ATP5IF1: variants seen among roughly 807,000 people sequenced by gnomAD.
The protein encoded by ATP5IF1 is ATPase inhibitor, mitochondrial.
Under a neutral mutation model 8.5 loss-of-function variants are expected in ATP5IF1, and 12 were observed. That is an observed-to-expected ratio of 1.41 (90% confidence interval 0.90 to 2.28). The LOEUF is 2.28. ATP5IF1 is among the 30% of genes most tolerant of loss of function. The pLI, the probability that ATP5IF1 is intolerant of heterozygous loss-of-function variation, is 0.00. For missense variants in ATP5IF1, 154 were observed against 140.2 expected, an observed-to-expected ratio of 1.10 and a Z score of -0.50; for synonymous variants, 51 against 53.4, an observed-to-expected ratio of 0.96 and a Z score of 0.19.
chr1:28,237,522 T>G, intron 2 of ATP5IF1: 2 of 1,366,608 alleles, frequency 1.5e-6, no homozygotes, highest in South Asian at 1.8e-5. Context: ...TGTTCCTTTT[T>G]TTTTCCCTAA....
chr1:28,237,541 C>T, intron 2 of ATP5IF1: 1 of 1,371,724 alleles, frequency 7.3e-7, no homozygotes, highest in Non-Finnish European at 9.4e-7. Context: ...AAAGGGGAGT[C>T]AAGTTCCCTG....
At position 28,238,095 on chromosome 1, in the gene ATP5IF1, A is replaced by G; in HGVS notation, c.*117A>G. 9.0e-7 allele frequency: 1 copy of G among 1,107,150 alleles called. No individual in the cohort carries two copies. Among genetic ancestry groups the G allele is most frequent in the South Asian group, 1.6e-5 (1 of 62,734 alleles). 68.6% of individuals were successfully genotyped at this position (1,107,150 alleles called of 1,614,324 possible). ...TAACAGATTATAATAAATTGTCATC[A>G]GTGAACTGTGTTTGATGCCTTCTTC... On this transcript the variant is annotated 3_prime_UTR_variant, in exon 3 of 3. Transcript: ENST00000335514.
At chr1:28,237,429 A>G (rs542409845) in intron 2 of ATP5IF1, 1 of 1,132,200 alleles carries the variant, frequency 8.8e-7, no homozygotes, top group African/African-American at 1.6e-5. Context: ...TCATTTCTAT[A>G]GGCAAAGAAA....
chr1:28,236,881 G>A, intron 2 of ATP5IF1: 1 of 1,125,048 alleles, frequency 8.9e-7, no homozygotes, highest in Non-Finnish European at 1.1e-6. Context: ...CTCCTTCCTC[G>A]CCAGCACGCC....
intron 2 of ATP5IF1, 91 bp from the exon 3 acceptor site, chr1:28,237,746 C>G (rs1203183414): frequency 6.2e-7 from 1 of 1,613,872 alleles, no homozygotes; most frequent in African/African-American, 1.3e-5. Flanking sequence ...ATTGGAACTC[C>G]TATTCCTTGC....
At position 28,237,865 on chromosome 1, in the gene ATP5IF1, T is replaced by C. The variant is rs760751368; in HGVS notation, c.208T>C (p.Leu70=). 6.2e-7 allele frequency: 1 copy of C among 1,614,086 alleles called. No individual in the cohort carries two copies. The highest frequency in any genetic ancestry group is 1.1e-5 in the South Asian group (1 of 91,074). The stretch of plus-strand genomic sequence containing the variant: ...ACAGAGTAGAGAACAACTGGCAGCT[T>C]TGAAAAAACACCATGAAGAAGAAAT... ...RAQSREQLAA[L]KKHHEEEIVH... is the part of the protein sequence containing the mutation. The change falls in exon 3 of 3, where the codon TTG becomes CTG. Residue 70 remains leucine (L), a synonymous_variant. Coordinates refer to ENST00000335514, the MANE Select transcript of ATP5IF1 (RefSeq NM_016311.5).
At position 28,237,996 on chromosome 1, in the gene ATP5IF1, T is replaced by C. The variant is rs1448307823; in HGVS notation, c.*18T>C. 6.2e-6 allele frequency: 10 copies of C among 1,602,078 alleles called. No individual in the cohort carries two copies. The highest frequency in any genetic ancestry group is 1.7e-4 in the Middle Eastern group (1 of 6,052). ...ATGATTAAGTGCACACCGTGTGCCA[T>C]AGAATGGCACATGTCATTGCCCACT... On this transcript the variant is annotated 3_prime_UTR_variant, in exon 3 of 3. Coordinates refer to ENST00000335514, the MANE Select transcript of ATP5IF1 (RefSeq NM_016311.5).
Position 28,237,992 on chromosome 1 carries a change from G to C in ATP5IF1, c.*14G>C, listed in dbSNP as rs2149029104. 2 of 1,603,004 alleles carry C rather than the reference G, an allele frequency of 1.2e-6. No homozygotes were observed. Among genetic ancestry groups the C allele is most frequent in the Non-Finnish European group, 1.7e-6 (2 of 1,177,732 alleles). On this transcript the variant is annotated 3_prime_UTR_variant, in exon 3 of 3. Transcript: ENST00000335514. ...CATGATGATTAAGTGCACACCGTGT[G>C]CCATAGAATGGCACATGTCATTGCC...
In ATP5IF1 at chr1:28,236,190, G is replaced by A. The variant is rs749492361; in HGVS notation, c.7G>A (p.Val3Met). MA[V>M]TALAARTWLG... Reference sequence around the variant, plus strand: ...AGGTGCAGCTCCAGCAGCAATGGCAGTGACGGCGTTGGCGGCGCGGACGTG... The same window carrying A: ...AGGTGCAGCTCCAGCAGCAATGGCAATGACGGCGTTGGCGGCGCGGACGTG... The change falls in exon 1 of 3, where the codon GTG becomes ATG. Residue 3 changes from valine (V) to methionine (M), a missense_variant. Val to Met is a conservative substitution (Grantham distance 21). Coordinates refer to ENST00000335514, the MANE Select transcript of ATP5IF1 (RefSeq NM_016311.5). 4.3e-6 allele frequency: 7 copies of A among 1,613,382 alleles called. No individual in the cohort carries two copies. The East Asian group carries it at 6.7e-5, about 15-fold the overall frequency.
rs1021290557 is a variant in ATP5IF1, at chr1:28,237,495, G to T, written c.180-342G>T. ...ATTTGCCTTTTAGCTACACCCCTTT[G>T]TCTGTCTTCCTCATTTTGTTCCTTT... On this transcript the variant is annotated intron_variant, in intron 2 of 2. Coordinates refer to ENST00000335514, the MANE Select transcript of ATP5IF1 (RefSeq NM_016311.5). 5 of 1,341,254 alleles carry T rather than the reference G, an allele frequency of 3.7e-6. No homozygotes were observed. The Admixed American group carries it at 1.8e-4, about 47-fold the overall frequency. The allele number at this position is 1,341,254 out of a possible 1,614,324, so 83.1% of individuals were successfully genotyped here. A position where few individuals can be genotyped will look rare whatever the true frequency, so the allele number is the denominator to read the frequency against.
intron 2 of ATP5IF1, chr1:28,237,075 T>C (rs1647043748): frequency 1.0e-6 from 1 of 995,418 alleles, no homozygotes; most frequent in African/African-American, 1.7e-5. Context: ...CTTAGGAGTA[T>C]GGAGTGGGCT....
Position 28,237,844 on chromosome 1 carries a change from A to G in ATP5IF1, c.187A>G (p.Ser63Gly). Residue 63 changes from serine to glycine, a missense_variant, in exon 3 of 3, where the codon AGT becomes GGT. Coordinates refer to ENST00000335514, the MANE Select transcript of ATP5IF1 (RefSeq NM_016311.5). The stretch of plus-strand genomic sequence containing the variant: ...GCCACCGTGTCCTTGTAGAGCACAG[A>G]GTAGAGAACAACTGGCAGCTTTGAA... ...AEEERYFRAQ[S>G]REQLAALKKH... The G allele has an allele frequency of 5.6e-6, 9 of 1,614,198 alleles. No homozygotes were observed. The highest frequency in any genetic ancestry group is 7.6e-6 in the Non-Finnish European group (9 of 1,180,036).
intron 2 of ATP5IF1, chr1:28,236,965 G>GATGGGAGCTGGTC: frequency 1.9e-6 from 2 of 1,053,974 alleles, no homozygotes; most frequent in Non-Finnish European, 2.3e-6. Flanking sequence ...GAGTGAGGAT[G>GATGGGAGCTGGTC]ATGGGAGCTG....
intron 2 of ATP5IF1, chr1:28,237,595 T>C (rs1219310048): frequency 2.1e-6 from 3 of 1,455,324 alleles, no homozygotes; most frequent in Non-Finnish European, 1.8e-6. Context: ...GTCACATCTC[T>C]CTGGAGTTTT....
In ATP5IF1 at chr1:28,237,478, T is replaced by G. The variant is rs527740178; in HGVS notation, c.180-359T>G. The stretch of plus-strand genomic sequence containing the variant: ...TGGAATAGGAAATGGATATTTGCCT[T>G]TTAGCTACACCCCTTTGTCTGTCTT... On this transcript the variant is annotated intron_variant, in intron 2 of 2. Transcript: ENST00000335514. 2.3e-6 allele frequency: 3 copies of G among 1,299,546 alleles called. No homozygotes were observed. The South Asian group carries it at 5.8e-5, about 25-fold the overall frequency. The allele number at this position is 1,299,546 out of a possible 1,614,324, so 80.5% of individuals were successfully genotyped here. A position where few individuals can be genotyped will look rare whatever the true frequency, so the allele number is the denominator to read the frequency against.
chr1:28,236,134 G>C lies in ATP5IF1; in HGVS notation c.-50G>C. The C allele has an allele frequency of 6.2e-7, 1 of 1,602,462 alleles. No homozygotes were observed. Among genetic ancestry groups the C allele is most frequent in the Non-Finnish European group, 8.5e-7 (1 of 1,177,770 alleles). The stretch of plus-strand genomic sequence containing the variant: ...GCCGTCCCTGCCATTAGCGCGTAAC[G>C]AGAGACTGCTTGCTGCGGCAGAGAC... On this transcript the variant is annotated 5_prime_UTR_variant, in exon 1 of 3. Coordinates refer to ENST00000335514, the MANE Select transcript of ATP5IF1 (RefSeq NM_016311.5).
chr1:28,236,596 C>A (rs1407491212), intron 2 of ATP5IF1, 144 bp downstream of exon 2: 6 of 1,538,850 alleles, frequency 3.9e-6, no homozygotes, highest in Non-Finnish European at 5.2e-6. Flanking sequence ...ATCCAGTATA[C>A]CCTAACCCTT....
At chr1:28,236,300 C>A (rs1414182723) in intron 1 of ATP5IF1, 30 bp downstream of exon 1, 1 of 1,614,180 alleles carries the variant, frequency 6.2e-7, no homozygotes. Context: ...GCTGCTCCAG[C>A]CCCGCGGGCG....
At position 28,237,709 on chromosome 1, in the gene ATP5IF1, G is replaced by A. The variant is rs1370595908; in HGVS notation, c.180-128G>A. ...TTCTTTCACTAGTTGAGGAGTAGAA[G>A]AGGATGACCAGCTAGACTCCCATGG... On this transcript the variant is annotated intron_variant, in intron 2 of 2. Transcript: ENST00000335514. 3.7e-6 allele frequency: 6 copies of A among 1,608,952 alleles called. No homozygotes were observed. In the East Asian group the frequency reaches 6.7e-5, roughly 18 times the overall value.
Sources: allele counts gnomAD v4.1 joint callset, GRCh38; gene constraint gnomAD v4.1.1; transcripts MANE v1.5; gene names NCBI Gene and HGNC (gene_info 2026-07-23, HGNC 2026-07-21).